IGF1R: variants seen among roughly 807,000 people sequenced by gnomAD.
IGF1R encodes the protein insulin like growth factor 1 receptor.
In IGF1R, 44 loss-of-function variants were observed where a neutral mutation model predicts 144.6. The ratio of observed to expected loss-of-function variants is 0.30; its 90% confidence interval spans 0.24 to 0.39. IGF1R has a LOEUF of 0.39. Ranked by LOEUF, IGF1R falls within the 10% of genes least tolerant of loss-of-function variation. IGF1R has a pLI of 1.00. For missense variants in IGF1R, 1,355 were observed against 1,833.7 expected, an observed-to-expected ratio of 0.74 and a Z score of 4.77; for synonymous variants, 795 against 722.8, an observed-to-expected ratio of 1.10 and a Z score of -1.60.
chr15:98,812,977 GA>G (rs1397709434), intron 2 of IGF1R, among the ~76,000 whole-genome samples: 1 of 152,116 alleles, frequency 6.6e-6, no homozygotes, highest in African/African-American at 2.4e-5. Context: ...GTCTTCTATC[GA>G]AAAACAGTGG....
chr15:98,700,241 T>C (rs1325885622), intron 1 of IGF1R, among the ~76,000 whole-genome samples: 2 of 152,122 alleles, frequency 1.3e-5, no homozygotes, highest in Non-Finnish European at 2.9e-5. Flanking sequence ...GAGGATCATA[T>C]ACTAGGGAGA....
intron 1 of IGF1R, among the ~76,000 whole-genome samples, chr15:98,677,131 C>G (rs1185293290): frequency 2.0e-5 from 3 of 151,848 alleles, no homozygotes; most frequent in African/African-American, 7.3e-5. Flanking sequence ...GGGGCAGGAT[C>G]TTGCTGTGTT....
chr15:98,946,194 G>A (rs948421319), intron 19 of IGF1R, among the ~76,000 whole-genome samples: 22 of 151,626 alleles, frequency 1.5e-4, no homozygotes, highest in African/African-American at 5.3e-4. Flanking sequence ...ACTAGGAAGC[G>A]GGGCGGGGCG....
intron 2 of IGF1R, among the ~76,000 whole-genome samples, chr15:98,804,417 G>A (rs2056428509): frequency 6.6e-6 from 1 of 152,182 alleles, no homozygotes; most frequent in Admixed American, 6.5e-5. Context: ...AGGAATTTAG[G>A]AGGCACAAGT....
chr15:98,923,532 G>T (rs1391071142), intron 11 of IGF1R, among the ~76,000 whole-genome samples: 1 of 152,266 alleles, frequency 6.6e-6, no homozygotes, highest in African/African-American at 2.4e-5. Flanking sequence ...CAGGGTAGAA[G>T]AAAGTTACTT....
chr15:98,757,767 G>A (rs760913210), intron 2 of IGF1R, among the ~76,000 whole-genome samples: 12 of 152,096 alleles, frequency 7.9e-5, no homozygotes, highest in Non-Finnish European at 1.3e-4. Context: ...TTCTCTAATA[G>A]GGACGTTCTG....
chr15:98,697,735 C>G (rs1347834863), intron 1 of IGF1R, among the ~76,000 whole-genome samples: 1 of 152,216 alleles, frequency 6.6e-6, no homozygotes, highest in Non-Finnish European at 1.5e-5. Context: ...ATAAAACTTA[C>G]CATCTTAACT....
At position 98,939,245 on chromosome 15, in the gene IGF1R, G is replaced by T. The variant is rs775279275; in HGVS notation, c.3342G>T (p.Gln1114His). The T allele has an allele frequency of 5.0e-6, 8 of 1,614,046 alleles. No individual in the cohort carries two copies. In the Admixed American group the frequency reaches 1.2e-4, roughly 24 times the overall value. ...CTCCAAGCCTGAGCAAGATGATTCA[G>T]ATGGCCGGAGAGATTGCAGACGGCA... ...LAPPSLSKMI[Q>H]MAGEIADGMA... The change falls in exon 18 of 21, where the codon CAG becomes CAT. Residue 1114 changes from glutamine to histidine, a missense_variant. Transcript: ENST00000650285.
intron 2 of IGF1R, among the ~76,000 whole-genome samples, chr15:98,772,998 T>C (rs2055626284): frequency 6.6e-6 from 1 of 152,292 alleles, no homozygotes; most frequent in East Asian, 1.9e-4. Flanking sequence ...ACCTCAAAAT[T>C]ATAGCATCTT....
At chr15:98,683,468 T>A (rs1158348086) in intron 1 of IGF1R, among the ~76,000 whole-genome samples, 1 of 152,264 alleles carries the variant, frequency 6.6e-6, no homozygotes, top group African/African-American at 2.4e-5. Flanking sequence ...AAAGGGACTT[T>A]TGCTTGTGTG....
intron 2 of IGF1R, among the ~76,000 whole-genome samples, chr15:98,775,887 G>A (rs543065930): frequency 6.6e-6 from 1 of 152,186 alleles, no homozygotes; most frequent in Non-Finnish European, 1.5e-5. Context: ...GAGAACCACT[G>A]GTCTATTAAA....
At chr15:98,945,205 A>C (rs750034369) in intron 19 of IGF1R, among the ~76,000 whole-genome samples, 1 of 152,234 alleles carries the variant, frequency 6.6e-6, no homozygotes, top group African/African-American at 2.4e-5. Flanking sequence ...CCCAACACAT[A>C]ATCTTTATTT....
chr15:98,934,849 G>A lies in IGF1R; in HGVS notation c.2982G>A (p.Val994=). The stretch of plus-strand genomic sequence containing the variant: ...TGTACGTTCCTGATGAGTGGGAGGT[G>A]GCTCGGGAGAAGATCACCATGAGCC... ...ADVYVPDEWE[V]AREKITMSRE... Residue 994 remains valine (V), a synonymous_variant, in exon 16 of 21, where the codon GTG becomes GTA. Transcript: ENST00000650285. The A allele has an allele frequency of 3.1e-6, 5 of 1,614,128 alleles. No individual in the cohort carries two copies. Among genetic ancestry groups the A allele is most frequent in the Non-Finnish European group, 3.4e-6 (4 of 1,180,006 alleles).
chr15:98,875,355 T>G (rs1004642649), intron 2 of IGF1R, among the ~76,000 whole-genome samples: 10 of 150,270 alleles, frequency 6.7e-5, no homozygotes, highest in African/African-American at 2.5e-4. Flanking sequence ...TTTTCTTTTT[T>G]TTTTTTTTTT....
chr15:98,664,615 G>A (rs1456172517), intron 1 of IGF1R, among the ~76,000 whole-genome samples: 1 of 150,304 alleles, frequency 6.7e-6, no homozygotes, highest in Non-Finnish European at 1.5e-5. Flanking sequence ...GAGGTTGGAG[G>A]TTGGAGGTTG....
intron 1 of IGF1R, among the ~76,000 whole-genome samples, chr15:98,681,105 A>C (rs1167495446): frequency 6.6e-6 from 1 of 152,138 alleles, no homozygotes; most frequent in Non-Finnish European, 1.5e-5. Flanking sequence ...TGATGAAATC[A>C]CCTAACTGTG....
intron 2 of IGF1R, among the ~76,000 whole-genome samples, chr15:98,806,568 A>G (rs1263379056): frequency 6.6e-6 from 1 of 152,194 alleles, no homozygotes; most frequent in African/African-American, 2.4e-5. Context: ...TATTAAATAA[A>G]CACTTTCTAA....
At chr15:98,897,215 A>C (rs2151653415) in intron 4 of IGF1R, 1 of 387,784 alleles carries the variant, frequency 2.6e-6, no homozygotes, top group Non-Finnish European at 4.8e-6. Context: ...AGAAGAGACC[A>C]TTGGATCAGA....
At chr15:98,845,588 TTCTCTCTTCTC>T (rs1357989551) in intron 2 of IGF1R, among the ~76,000 whole-genome samples, 1 of 146,666 alleles carries the variant, frequency 6.8e-6, no homozygotes, top group Non-Finnish European at 1.5e-5. Context: ...TCTCTCTTCT[TTCTCTCTTCTC>T]TCTCTACCAT....
Sources: allele counts gnomAD v4.1 joint callset (sites outside exome capture counted in the v4.1 genomes callset), GRCh38; gene constraint gnomAD v4.1.1; transcripts MANE v1.5; gene names NCBI Gene and HGNC (gene_info 2026-07-23, HGNC 2026-07-21).